The following GPATCH2 variants were observed in gnomAD, a reference collection of about 807,000 sequenced individuals.
GPATCH2 encodes the protein G-patch domain containing 2.
A neutral mutation model predicts 58.0 loss-of-function variants in GPATCH2; 51 were observed. The ratio of observed to expected loss-of-function variants is 0.88; its 90% CI spans 0.70 to 1.11. GPATCH2 has a LOEUF of 1.11. GPATCH2 is among the 50% of genes most tolerant of loss of function. The pLI is 0.00. For missense variants in GPATCH2, 625 were observed against 652.2 expected, an observed-to-expected ratio of 0.96 and a Z score of 0.45; for synonymous variants, 222 against 218.5, an observed-to-expected ratio of 1.02 and a Z score of -0.14.
chr1:217,547,288 G>C (rs1037867948), intron 5 of GPATCH2, among the ~76,000 whole-genome samples: 1 of 151,990 alleles, frequency 6.6e-6, no homozygotes, highest in Non-Finnish European at 1.5e-5. Context: ...GTTTGAACCT[G>C]GGAGGCAGAG....
Position 217,585,260 on chromosome 1 carries a change from T to C in GPATCH2, c.1098+25061A>G, listed in dbSNP as rs528263930. ...TAGTTCATTCCACTGCTGAATTCCA[T>C]AGTAGAAATATATCTATTATTAATA... On this transcript the variant is annotated intron_variant, in intron 5 of 9. Transcript: ENST00000366935. Among the ~76,000 whole-genome samples the C allele has an allele frequency of 7.9e-5, 12 of 152,184 alleles. No homozygotes were observed. The South Asian group carries it at 2.1e-3, about 26-fold the overall frequency.
At chr1:217,562,580 C>A (rs1665981307) in intron 5 of GPATCH2, among the ~76,000 whole-genome samples, 1 of 152,142 alleles carries the variant, frequency 6.6e-6, no homozygotes, top group African/African-American at 2.4e-5. Context: ...GTGAAAAGAT[C>A]CAGATGTGAA....
At chr1:217,491,866 T>A (rs1661756071) in intron 7 of GPATCH2, 116 bp from the exon 8 acceptor site, 1 of 397,622 alleles carries the variant, frequency 2.5e-6, no homozygotes, top group African/African-American at 2.1e-5. Context: ...GCACGGCTTT[T>A]TTTTTTTTTT....
chr1:217,450,145 A>G (rs1220879445), intron 8 of GPATCH2, among the ~76,000 whole-genome samples: 3 of 152,178 alleles, frequency 2.0e-5, no homozygotes, highest in African/African-American at 7.2e-5. Flanking sequence ...TTCAAGCTAT[A>G]GAAAGATTCT....
intron 5 of GPATCH2, among the ~76,000 whole-genome samples, chr1:217,518,877 A>G (rs1663310162): frequency 6.6e-6 from 1 of 152,202 alleles, no homozygotes; most frequent in African/African-American, 2.4e-5. Context: ...CTGCCATTCA[A>G]AAGAAGGCCT....
intron 9 of GPATCH2, among the ~76,000 whole-genome samples, chr1:217,448,576 C>A (rs529476363): frequency 6.6e-6 from 1 of 152,200 alleles, no homozygotes; most frequent in Non-Finnish European, 1.5e-5. Flanking sequence ...CACTACAAGG[C>A]GAGTCTTTGC....
chr1:217,587,787 A>G (rs1044159377), intron 5 of GPATCH2, among the ~76,000 whole-genome samples: 1 of 152,174 alleles, frequency 6.6e-6, no homozygotes, highest in African/African-American at 2.4e-5. Context: ...AAAAAGAACT[A>G]AAATATTTTC....
chr1:217,463,977 C>T (rs568830364), intron 8 of GPATCH2, among the ~76,000 whole-genome samples: 3 of 152,240 alleles, frequency 2.0e-5, no homozygotes, highest in African/African-American at 7.2e-5. Flanking sequence ...ATAAAAGGCA[C>T]TTAATGGTGT....
intron 5 of GPATCH2, among the ~76,000 whole-genome samples, chr1:217,598,206 C>A (rs1318459273): frequency 6.6e-6 from 1 of 151,742 alleles, no homozygotes; most frequent in Non-Finnish European, 1.5e-5. Context: ...GCCAACATAT[C>A]GAAACCCTGA....
At chr1:217,470,404 G>A (rs1470257729) in intron 8 of GPATCH2, among the ~76,000 whole-genome samples, 1 of 152,160 alleles carries the variant, frequency 6.6e-6, no homozygotes, top group Non-Finnish European at 1.5e-5. Flanking sequence ...TCACTAGTTA[G>A]TAGTAGTGTT....
intron 8 of GPATCH2, among the ~76,000 whole-genome samples, chr1:217,472,296 C>CTT (rs11326840): frequency 3.2e-3 from 285 of 89,952 alleles, no homozygotes; most frequent in Middle Eastern, 0.011. Context: ...TTTCAACAGA[C>CTT]TTTTTTTTTT....
chr1:217,568,059 G>T (rs1181775511), intron 5 of GPATCH2, among the ~76,000 whole-genome samples: 2 of 152,208 alleles, frequency 1.3e-5, no homozygotes, highest in East Asian at 3.9e-4. Context: ...GGAGCTTGCA[G>T]TGAGCCGAGA....
chr1:217,523,983 C>T (rs1448290857), intron 5 of GPATCH2, among the ~76,000 whole-genome samples: 2 of 129,692 alleles, frequency 1.5e-5, no homozygotes, highest in African/African-American at 5.8e-5. Flanking sequence ...GACGGGGCGG[C>T]TGGCCGGGCA....
intron 5 of GPATCH2, among the ~76,000 whole-genome samples, chr1:217,544,152 T>C (rs1471751116): frequency 6.6e-6 from 1 of 152,198 alleles, no homozygotes; most frequent in Non-Finnish European, 1.5e-5. Flanking sequence ...CCCAGCACTT[T>C]GGGAGGCTGA....
chr1:217,475,923 T>A (rs1263009537), intron 8 of GPATCH2, among the ~76,000 whole-genome samples: 1 of 151,234 alleles, frequency 6.6e-6, no homozygotes, highest in Non-Finnish European at 1.5e-5. Flanking sequence ...AGCATGATAG[T>A]TAAGAGAGAT....
chr1:217,555,683 G>A (rs567658199), intron 5 of GPATCH2, among the ~76,000 whole-genome samples: 10 of 152,258 alleles, frequency 6.6e-5, no homozygotes, highest in Admixed American at 5.2e-4. Flanking sequence ...TTGGTGGAAA[G>A]CTGCAGAGAA....
rs533532814 is a variant in GPATCH2, at chr1:217,495,034, T to C, written c.1207-3284A>G. The C allele has an allele frequency of 9.3e-5, 50 of 540,170 alleles. 2 individuals are homozygous for C. The South Asian group carries it at 3.6e-3, about 39-fold the overall frequency. 33.5% of individuals were successfully genotyped at this position (540,170 alleles called of 1,614,324 possible). Reference sequence around the variant, plus strand: ...TCTTACCTTCCAACTTTCAGATTGCTGGACTTAGGCCAAACGAAGATACAA... The same window carrying C: ...TCTTACCTTCCAACTTTCAGATTGCCGGACTTAGGCCAAACGAAGATACAA... On this transcript the variant is annotated intron_variant, in intron 7 of 9. Transcript: ENST00000366935.
At chr1:217,561,992 T>C (rs886224964) in intron 5 of GPATCH2, among the ~76,000 whole-genome samples, 18 of 152,202 alleles carry the variant, frequency 1.2e-4, no homozygotes, top group East Asian at 1.9e-4. Flanking sequence ...CAATCAGGCA[T>C]GCCAAGTTCT....
chr1:217,496,125 A>T lies in GPATCH2; in HGVS notation c.1206+2231T>A, dbSNP rs138076300. On this transcript the variant is annotated intron_variant, in intron 7 of 9. Transcript: ENST00000366935. ...TAGACAACAGTTTAGTCTGCTATAC[A>T]GTTAGGTCTGAGTTGAACTAAGAAA... is the stretch of plus-strand genomic sequence containing the variant. Among the ~76,000 whole-genome samples, 599 of 152,348 alleles carry T rather than the reference A, an allele frequency of 3.9e-3. 4 individuals are homozygous for T. The highest frequency in any genetic ancestry group is 0.014 in the African/African-American group (573 of 41,580).
Sources: allele counts gnomAD v4.1 joint callset (sites outside exome capture counted in the v4.1 genomes callset), GRCh38; gene constraint gnomAD v4.1.1; transcripts MANE v1.5; gene names NCBI Gene and HGNC (gene_info 2026-07-23, HGNC 2026-07-21).